MAX: variants seen among roughly 807,000 people sequenced by gnomAD.
The protein encoded by MAX is protein max.
Under a neutral mutation model 22.3 loss-of-function variants are expected in MAX, and 3 were observed. The ratio of observed to expected loss-of-function variants is 0.13; its 90% confidence interval spans 0.06 to 0.35. The LOEUF (loss-of-function observed/expected upper bound fraction) is 0.35, where lower values mean the gene tolerates loss of function less well. MAX is among the 10% of genes least tolerant of loss of function. The pLI is 1.00. For synonymous variants in MAX, 72 were observed against 77.7 expected (o/e 0.93, Z 0.39); for missense variants, 119 against 209.4 (o/e 0.57, Z 2.66).
rs1305169650 is a variant in MAX, at chr14:65,047,172, C to G, written c.172-40888G>C. On this transcript the variant is annotated intron_variant, in intron 3 of 3. Transcript: ENST00000341653. The surrounding 1 kb of genome is among the most constrained non-coding windows in gnomAD (Gnocchi z 5.2). ...TACTGGTAGCGGAGTCTTCCCAAGCCCTCACTGTATGCCAGGGGCTGTACT... is the reference window on the plus strand; with the variant it reads ...TACTGGTAGCGGAGTCTTCCCAAGCGCTCACTGTATGCCAGGGGCTGTACT... 6.6e-6 allele frequency among the ~76,000 whole-genome samples: 1 copy of G among 152,198 alleles called. No individual in the cohort carries two copies. The highest frequency in any genetic ancestry group is 1.5e-5 in the Non-Finnish European group (1 of 68,044).
At chr14:65,022,042 CTG>C (rs1351030808) in intron 3 of MAX, 10 of 455,924 alleles carry the variant, frequency 2.2e-5, no homozygotes, top group Non-Finnish European at 4.4e-5. Context: ...ACGTCTGACT[CTG>C]TGAGCAGCAG....
In MAX at chr14:65,102,341, T is replaced by G. The variant is rs1218554168; in HGVS notation, c.-2A>C. 1 of 1,613,684 alleles carries G rather than the reference T, an allele frequency of 6.2e-7. No individual in the cohort carries two copies. The highest frequency in any genetic ancestry group is 1.7e-5 in the Admixed American group (1 of 60,008). ...CTCGATGTCATCGTTATCGCTCATT[T>G]CCTACGGCCCAGGGAGCGGCCACTG... On this transcript the variant is annotated 5_prime_UTR_variant, in exon 1 of 5. Transcript: ENST00000358664.
rs73272613 is a variant in MAX, at chr14:65,099,118, T to C, written c.63+2428A>G. On this transcript the variant is annotated intron_variant, in intron 2 of 4. Transcript: ENST00000358664. The stretch of plus-strand genomic sequence containing the variant: ...ATATATTTATTATCCATATTAAATA[T>C]TGAGAAGTAAGCAGATGCATTCACA... Among the ~76,000 whole-genome samples the C allele has an allele frequency of 6.8e-3, 1,038 of 152,252 alleles. 7 individuals carry two copies. The highest frequency in any genetic ancestry group is 0.024 in the African/African-American group (988 of 41,554).
At chr14:65,017,657 T>A (rs562168283) in intron 3 of MAX, among the ~76,000 whole-genome samples, 16 of 152,156 alleles carry the variant, frequency 1.1e-4, no homozygotes, top group Admixed American at 2.0e-4. Context: ...TTAAAAAAAA[T>A]TTTTTTTAAA....
rs1292211494 is a variant in MAX at position 65,069,793 on chromosome 14, C to T, written c.171+23915G>A. 2.0e-5 allele frequency among the ~76,000 whole-genome samples: 3 copies of T among 152,376 alleles called. No individual in the cohort carries two copies. The highest frequency in any genetic ancestry group is 3.9e-4 in the East Asian group (2 of 5,188). On this transcript the variant is annotated intron_variant, in intron 3 of 3. Coordinates refer to the MAX transcript ENST00000341653. The surrounding 1 kb of genome is among the most constrained non-coding windows in gnomAD (Gnocchi z 4.6). The stretch of plus-strand genomic sequence containing the variant: ...TTGGAAATACTTGCTCACCACCACT[C>T]TCTGCACAGAGGTCCCTGGATGGGA...
intron 3 of MAX, among the ~76,000 whole-genome samples, chr14:65,058,249 G>T (rs2062785446): frequency 6.7e-6 from 1 of 148,718 alleles, no homozygotes; most frequent in South Asian, 2.1e-4. Context: ...TTCCATAAAG[G>T]ACTAGCATTT....
Position 65,032,478 on chromosome 14 carries a change from C to A in MAX, c.172-26194G>T. ...TCAGTTGGAGACCCAGGAGGACTGA[C>A]CGTGTGCCAAGAGTGAGGACAGGAG... On this transcript the variant is annotated intron_variant, in intron 3 of 3. Coordinates refer to the MAX transcript ENST00000341653. This position sits in a 1 kb window ranked among gnomAD's most constrained non-coding sequence, Gnocchi z 5.0. 2.3e-6 allele frequency: 2 copies of A among 856,916 alleles called. No homozygotes were observed. Among genetic ancestry groups the A allele is most frequent in the Non-Finnish European group, 3.4e-6 (2 of 581,742 alleles). The allele number at this position is 856,916 out of a possible 1,614,324, so 53.1% of individuals were successfully genotyped here.
In MAX at chr14:65,024,717, A is replaced by C. The variant is rs917181364; in HGVS notation, c.172-18433T>G. ...TGTTTGTACAATGTTTTTTGCTTGT[A>C]ATTTTTTATTTATTGGTGAACTTCT... On this transcript the variant is annotated intron_variant, in intron 3 of 3. Transcript: ENST00000341653. Among the ~76,000 whole-genome samples, 5 of 152,226 alleles carry C rather than the reference A, an allele frequency of 3.3e-5. No homozygotes were observed. The South Asian group carries it at 1.0e-3, about 32-fold the overall frequency.
Position 65,031,985 on chromosome 14 carries a change from T to G in MAX, c.172-25701A>C, listed in dbSNP as rs1305472020. On this transcript the variant is annotated intron_variant, in intron 3 of 3. Transcript: ENST00000341653. This position sits in a 1 kb window ranked among gnomAD's most constrained non-coding sequence, Gnocchi z 4.6. ...GTGCGCCTTTTTCATTTAACGTGTG[T>G]GTGTGTGTGTGTGTGTGTGTGTGTG... is the stretch of plus-strand genomic sequence containing the variant. 7.3e-5 allele frequency among the ~76,000 whole-genome samples: 9 copies of G among 123,948 alleles called. No homozygotes were observed. In the East Asian group the frequency reaches 1.0e-3, roughly 14 times the overall value. The allele number at this position is 123,948 out of a possible 152,430, so 81.3% of individuals were successfully genotyped here.
At chr14:65,042,816 G>A (rs1178223741) in intron 3 of MAX, among the ~76,000 whole-genome samples, 2 of 152,192 alleles carry the variant, frequency 1.3e-5, no homozygotes, top group Admixed American at 6.5e-5. Context: ...CCACTGCAGC[G>A]CCTGCTTTCT....
At chr14:65,056,027 A>T (rs2062729013) in intron 3 of MAX, among the ~76,000 whole-genome samples, 1 of 152,094 alleles carries the variant, frequency 6.6e-6, no homozygotes, top group Non-Finnish European at 1.5e-5. Context: ...CCCTGTCCCA[A>T]ATTTGACATG....
intron 3 of MAX, among the ~76,000 whole-genome samples, chr14:65,051,402 G>C (rs2062605978): frequency 6.6e-6 from 1 of 152,210 alleles, no homozygotes; most frequent in South Asian, 2.1e-4. Context: ...CCTGAGGTCA[G>C]GAGTTAGAGA....
Position 65,030,739 on chromosome 14 carries a change from TAA to T in MAX, c.172-24457_172-24456del, listed in dbSNP as rs879817148. Among the ~76,000 whole-genome samples the T allele has an allele frequency of 6.9e-6, 1 of 144,624 alleles. No individual in the cohort carries two copies. The allele number at this position is 144,624 out of a possible 152,430, so 94.9% of individuals were successfully genotyped here. On this transcript the variant is annotated intron_variant, in intron 3 of 3. Transcript: ENST00000341653. This position sits in a 1 kb window ranked among gnomAD's most constrained non-coding sequence, Gnocchi z 4.5. ...TGGGCAACAAAGTGAGATCCTATCT[TAA>T]AAAAAAAAAAGAAGATGGAAACTAG...
chr14:65,024,791 T>A (rs529803747), intron 3 of MAX, among the ~76,000 whole-genome samples: 2 of 152,214 alleles, frequency 1.3e-5, no homozygotes, highest in South Asian at 2.1e-4. Flanking sequence ...GAAAAAAAAA[T>A]ATTTTTTTGT....
Position 65,032,882 on chromosome 14 carries a change from G to A in MAX, c.172-26598C>T, listed in dbSNP as rs936729083. 3.3e-5 allele frequency among the ~76,000 whole-genome samples: 5 copies of A among 151,756 alleles called. No individual in the cohort carries two copies. Among genetic ancestry groups the A allele is most frequent in the African/African-American group, 7.2e-5 (3 of 41,412 alleles). On this transcript the variant is annotated intron_variant, in intron 3 of 3. Coordinates refer to the MAX transcript ENST00000341653. This position sits in a 1 kb window ranked among gnomAD's most constrained non-coding sequence, Gnocchi z 5.0. ...TTCTTTTTTCCAAACTTTCTTTAAT[G>A]TTATATTATATTTTAGATTGGCAAA...
In MAX at chr14:65,028,849, G is replaced by C. The variant is rs1469639600; in HGVS notation, c.172-22565C>G. ...TCGTGTTCACTACATTTTCGTTCCT[G>C]TTCTGTTGCTATTCCCCCAAAATAT... On this transcript the variant is annotated intron_variant, in intron 3 of 3. Coordinates refer to the MAX transcript ENST00000341653. The surrounding 1 kb of genome is among the most constrained non-coding windows in gnomAD (Gnocchi z 4.4). Among the ~76,000 whole-genome samples, 1 of 152,088 alleles carries C rather than the reference G, an allele frequency of 6.6e-6. No individual in the cohort carries two copies. Among genetic ancestry groups the C allele is most frequent in the Non-Finnish European group, 1.5e-5 (1 of 68,008 alleles).
chr14:65,025,338 G>A (rs924538467), intron 3 of MAX, among the ~76,000 whole-genome samples: 57 of 152,200 alleles, frequency 3.7e-4, no homozygotes, highest in African/African-American at 1.3e-3. Flanking sequence ...AAAATGTGCT[G>A]TTAAGTTTTG....
At chr14:65,022,051 G>T (rs755134553) in intron 3 of MAX, 1 of 456,058 alleles carries the variant, frequency 2.2e-6, no homozygotes, top group South Asian at 1.5e-5. Context: ...TCTGTGAGCA[G>T]CAGAGGCCAC....
intron 3 of MAX, among the ~76,000 whole-genome samples, chr14:65,037,726 CTTATTTATTTATTTA>C (rs1368546782): frequency 1.3e-4 from 15 of 117,544 alleles, no homozygotes; most frequent in Middle Eastern, 4.3e-3. Context: ...TGCCCAGCCT[CTTATTTATTTATTTA>C]TTATTTATTT....
Sources: gnomAD v4.1 joint callset for allele counts (sites outside exome capture counted in the v4.1 genomes callset) on GRCh38, gnomAD v4.1.1 for gene constraint, Gnocchi (gnomAD v3.1) non-coding constraint, MANE v1.5 for transcripts, NCBI Gene and HGNC (gene_info 2026-07-23, HGNC 2026-07-21) for gene names.